Variants in DLGAP1 observed in about 807,000 individuals in gnomAD.
DLGAP1 encodes the protein DLG associated protein 1, also known as disks large-associated protein 1.
A neutral mutation model predicts 90.8 loss-of-function variants in DLGAP1; 11 were observed. That is an observed-to-expected ratio of 0.12 (90% CI 0.08 to 0.20). DLGAP1 has a LOEUF of 0.20. Among genes scored for constraint, DLGAP1 ranks in the 10% least tolerant of loss-of-function variants. The pLI is 1.00. For missense variants in DLGAP1, 1,050 were observed against 1,333.8 expected (o/e 0.79, Z 3.31); for synonymous variants, 558 against 540.7 (o/e 1.03, Z -0.44).
At chr18:3,737,317 C>G (rs902035276) in intron 6 of DLGAP1, among the ~76,000 whole-genome samples, 5 of 152,034 alleles carry the variant, frequency 3.3e-5, no homozygotes, top group African/African-American at 1.2e-4. Context: ...AGAGACACAA[C>G]CAAAAAAGAG....
At chr18:3,893,803 A>G (rs971196314) in intron 3 of DLGAP1, among the ~76,000 whole-genome samples, 1 of 151,970 alleles carries the variant, frequency 6.6e-6, no homozygotes, top group African/African-American at 2.4e-5. Flanking sequence ...TATGTTTTTC[A>G]TAGAGGTTAT....
chr18:4,169,679 G>A (rs1297599229), intron 1 of DLGAP1, among the ~76,000 whole-genome samples: 2 of 152,290 alleles, frequency 1.3e-5, no homozygotes, highest in African/African-American at 2.4e-5. Flanking sequence ...TCATTTCAAA[G>A]TGTTATTAGT....
Position 3,711,159 on chromosome 18 carries a change from G to A in DLGAP1, c.1591+17976C>T, listed in dbSNP as rs1270135294. Among the ~76,000 whole-genome samples the A allele has an allele frequency of 6.6e-6, 1 of 152,208 alleles. No homozygotes were observed. Among genetic ancestry groups the A allele is most frequent in the Non-Finnish European group, 1.5e-5 (1 of 68,040 alleles). On this transcript the variant is annotated intron_variant, in intron 7 of 12. Coordinates refer to ENST00000315677, the MANE Select transcript of DLGAP1 (RefSeq NM_004746.4). The surrounding 1 kb of genome is among the most constrained non-coding windows in gnomAD (Gnocchi z 4.0). ...ATGATCTCAGCCACAGAGTGTAAGA[G>A]GGCAGCACAAAGGGAAGTAAAAACA...
chr18:4,069,532 G>C (rs2075416920), intron 2 of DLGAP1, among the ~76,000 whole-genome samples: 1 of 152,128 alleles, frequency 6.6e-6, no homozygotes, highest in African/African-American at 2.4e-5. Flanking sequence ...TTGTCCTCGA[G>C]ACAGTGGATG....
At chr18:4,173,058 G>T (rs1395358489) in intron 1 of DLGAP1, among the ~76,000 whole-genome samples, 1 of 152,186 alleles carries the variant, frequency 6.6e-6, no homozygotes, top group Non-Finnish European at 1.5e-5. Flanking sequence ...TCATTTGAGA[G>T]AAAGATTTAC....
chr18:4,272,893 G>A (rs1486380499), intron 1 of DLGAP1, among the ~76,000 whole-genome samples: 1 of 152,162 alleles, frequency 6.6e-6, no homozygotes, highest in African/African-American at 2.4e-5. Context: ...GAAGAGGAGA[G>A]GTCACACAGA....
At position 3,742,468 on chromosome 18, in the gene DLGAP1, C is replaced by T; in HGVS notation, c.1217G>A (p.Ser406Asn). Residue 406 changes from serine (S) to asparagine (N), a missense_variant, in exon 6 of 13, where the codon AGT (serine) becomes AAT (asparagine). Physicochemically the swap from Ser to Asn is conservative, Grantham distance 46. Coordinates refer to ENST00000315677, the MANE Select transcript of DLGAP1 (RefSeq NM_004746.4). ...HSPKLQIRSH[S>N]YLRAVSEVSI... ...GACTTCACTCACTGCCCTCAGGTAA[C>T]TATGACTCCGGATCTGGAGTTTGGG... 6.2e-7 allele frequency: 1 copy of T among 1,614,186 alleles called. No individual in the cohort carries two copies. Among genetic ancestry groups the T allele is most frequent in the Non-Finnish European group, 8.5e-7 (1 of 1,180,040 alleles).
intron 1 of DLGAP1, among the ~76,000 whole-genome samples, chr18:4,216,981 G>A (rs1483862624): frequency 6.6e-6 from 1 of 152,174 alleles, no homozygotes; most frequent in East Asian, 1.9e-4. Context: ...CATTGTTACA[G>A]TATCATATTG....
At chr18:3,725,363 C>A (rs868064447) in intron 7 of DLGAP1, among the ~76,000 whole-genome samples, 1 of 152,190 alleles carries the variant, frequency 6.6e-6, no homozygotes, top group Non-Finnish European at 1.5e-5. Flanking sequence ...TCCCCTTAAA[C>A]ACATAGAATT....
chr18:3,667,721 G>A lies in DLGAP1; in HGVS notation c.1591+61414C>T, dbSNP rs1055884175. ...ACTGGACCTCTGAGAATATGCTGGGGCCTGAGAGGGTCCATTCTTGTCCAC... is the reference window on the plus strand; with the variant it reads ...ACTGGACCTCTGAGAATATGCTGGGACCTGAGAGGGTCCATTCTTGTCCAC... On this transcript the variant is annotated intron_variant, in intron 7 of 12. Coordinates refer to ENST00000315677, the MANE Select transcript of DLGAP1 (RefSeq NM_004746.4). Among the ~76,000 whole-genome samples, 5 of 152,138 alleles carry A rather than the reference G, an allele frequency of 3.3e-5. No homozygotes were observed. In the East Asian group the frequency reaches 5.8e-4, roughly 18 times the overall value.
At chr18:4,432,488 T>TTTA (rs1555617976) in intron 1 of DLGAP1, among the ~76,000 whole-genome samples, 22 of 151,484 alleles carry the variant, frequency 1.5e-4, no homozygotes, top group Admixed American at 7.2e-4. Context: ...AAATAAATTT[T>TTTA]TTTAAAAATT....
At position 3,990,629 on chromosome 18, in the gene DLGAP1, A is replaced by G. The variant is rs1414532336; in HGVS notation, c.-73+14487T>C. ...GCACATGTACCCTAAAACTTAAAATATAATAATAATAATAATAATAATAAT... is the reference window on the plus strand; with the variant it reads ...GCACATGTACCCTAAAACTTAAAATGTAATAATAATAATAATAATAATAAT... On this transcript the variant is annotated intron_variant, in intron 3 of 12. Coordinates refer to ENST00000315677, the MANE Select transcript of DLGAP1 (RefSeq NM_004746.4). Among the ~76,000 whole-genome samples the G allele has an allele frequency of 0.02, 33 of 1,614 alleles. No homozygotes were observed. In the South Asian group the frequency reaches 0.28, roughly 13 times the overall value. 1.1% of individuals were successfully genotyped at this position (1,614 alleles called of 152,430 possible).
intron 3 of DLGAP1, among the ~76,000 whole-genome samples, chr18:3,884,270 A>C (rs1416859495): frequency 6.6e-6 from 1 of 152,226 alleles, no homozygotes; most frequent in South Asian, 2.1e-4. Context: ...CACTGAGGAC[A>C]TTTTTGCCTT....
intron 2 of DLGAP1, among the ~76,000 whole-genome samples, chr18:4,140,290 GT>G (rs1194977542): frequency 2.0e-5 from 3 of 151,274 alleles, no homozygotes; most frequent in Admixed American, 2.0e-4. Flanking sequence ...TATGCTTTTT[GT>G]TTTGAGGTTA....
intron 1 of DLGAP1, among the ~76,000 whole-genome samples, chr18:4,313,780 C>G (rs2080458718): frequency 6.6e-6 from 1 of 151,972 alleles, no homozygotes; most frequent in Admixed American, 6.6e-5. Flanking sequence ...CAGATTAGGA[C>G]CTAAAAAATG....
At chr18:3,683,184 A>G (rs921030620) in intron 7 of DLGAP1, among the ~76,000 whole-genome samples, 3 of 152,226 alleles carry the variant, frequency 2.0e-5, no homozygotes, top group East Asian at 3.9e-4. Context: ...AAGAAAATCC[A>G]TTGAGTGGTA....
intron 2 of DLGAP1, among the ~76,000 whole-genome samples, chr18:4,035,052 C>T (rs552372715): frequency 2.3e-4 from 35 of 152,216 alleles, no homozygotes; most frequent in African/African-American, 6.7e-4. Flanking sequence ...GTATATGTGC[C>T]GCATTTTCTT....
intron 1 of DLGAP1, among the ~76,000 whole-genome samples, chr18:4,190,966 A>C (rs1474620411): frequency 1.3e-5 from 2 of 152,158 alleles, no homozygotes; most frequent in African/African-American, 2.4e-5. Flanking sequence ...AAATACATTA[A>C]ATAAGAAACT....
chr18:4,441,211 T>C (rs1598426945), intron 1 of DLGAP1, among the ~76,000 whole-genome samples: 1 of 152,184 alleles, frequency 6.6e-6, no homozygotes, highest in Admixed American at 6.5e-5. Context: ...TGCTTTCAAA[T>C]AGATTACTCA....
Sources: allele counts gnomAD v4.1 joint callset (sites outside exome capture counted in the v4.1 genomes callset), GRCh38; gene constraint gnomAD v4.1.1; non-coding constraint Gnocchi (gnomAD v3.1); transcripts MANE v1.5; gene names NCBI Gene and HGNC (gene_info 2026-07-23, HGNC 2026-07-21).